The following ANKRD31 variants were observed in gnomAD, a reference collection of about 807,000 sequenced individuals.
The protein encoded by ANKRD31 is ankyrin repeat domain-containing protein 31.
In ANKRD31, 147 loss-of-function variants were observed where a neutral mutation model predicts 186.0. That is an observed-to-expected ratio of 0.79 (90% CI 0.69 to 0.91). The LOEUF (loss-of-function observed/expected upper bound fraction) is 0.91. Ranked by LOEUF, ANKRD31 falls within the 40% of genes least tolerant of loss-of-function variation. The pLI, the probability that ANKRD31 is intolerant of heterozygous loss-of-function variation, is 0.00. For missense variants in ANKRD31, 1,986 were observed against 2,148.8 expected (o/e 0.92, Z 1.50); for synonymous variants, 673 against 736.4 (o/e 0.91, Z 1.39).
At chr5:75,073,487 T>G (rs1744401399) in intron 25 of ANKRD31, among the ~76,000 whole-genome samples, 1 of 152,198 alleles carries the variant, frequency 6.6e-6, no homozygotes, top group Non-Finnish European at 1.5e-5. Flanking sequence ...AACATGCCCA[T>G]CTTCTCAATT....
intron 10 of ANKRD31, among the ~76,000 whole-genome samples, chr5:75,174,803 T>G (rs1293785206): frequency 6.6e-6 from 1 of 152,220 alleles, no homozygotes; most frequent in Non-Finnish European, 1.5e-5. Context: ...AGTTCAACCA[T>G]TTTGCAAGAC....
At chr5:75,156,420 A>C (rs552962997) in intron 11 of ANKRD31, among the ~76,000 whole-genome samples, 2 of 152,320 alleles carry the variant, frequency 1.3e-5, no homozygotes, top group Non-Finnish European at 2.9e-5. Flanking sequence ...AAAGTTAAAA[A>C]TTACAGAAAG....
chr5:75,123,350 A>C (rs1349658182), intron 17 of ANKRD31, among the ~76,000 whole-genome samples: 4 of 152,158 alleles, frequency 2.6e-5, no homozygotes, highest in Non-Finnish European at 2.9e-5. Flanking sequence ...AATATAATTA[A>C]AATGAGAATA....
intron 23 of ANKRD31, among the ~76,000 whole-genome samples, chr5:75,090,888 T>G (rs747195228): frequency 2.0e-5 from 3 of 152,236 alleles, no homozygotes; most frequent in Admixed American, 6.5e-5. Context: ...AATAACATAT[T>G]AACTAAGTTA....
intron 22 of ANKRD31, 37 bp downstream of exon 22, chr5:75,104,191 A>C: frequency 7.1e-7 from 1 of 1,408,596 alleles, no homozygotes; most frequent in Admixed American, 2.7e-5. Context: ...CTTATTTATA[A>C]AATTTGCATG....
intron 18 of ANKRD31, among the ~76,000 whole-genome samples, chr5:75,117,578 C>T (rs1748401410): frequency 6.6e-6 from 1 of 152,086 alleles, no homozygotes; most frequent in Admixed American, 6.6e-5. Flanking sequence ...CATTCTCCCT[C>T]ATGGTGAGAA....
chr5:75,173,880 T>C (rs1753561123), intron 10 of ANKRD31, among the ~76,000 whole-genome samples: 1 of 152,042 alleles, frequency 6.6e-6, no homozygotes, highest in African/African-American at 2.4e-5. Context: ...AAAAACTACT[T>C]TAAAGTTCAT....
In ANKRD31 at chr5:75,146,780, G is replaced by A; in HGVS notation, c.2631C>T (p.Val877=). The A allele has an allele frequency of 6.5e-7, 1 of 1,536,016 alleles. No homozygotes were observed. ...ATTTGTTAAATCTCTCATCTTTTGGGACCAAGTTACTGTTTTCATGAGATT... is the reference window on the plus strand; with the variant it reads ...ATTTGTTAAATCTCTCATCTTTTGGAACCAAGTTACTGTTTTCATGAGATT... ...LYKSHENSNL[V]PKDERFNKWE... The change falls in exon 14 of 26, where the codon GTC becomes GTT. Residue 877 remains valine (V), a synonymous_variant. Transcript: ENST00000506364.
chr5:75,075,338 C>A (rs1370219293), intron 25 of ANKRD31, among the ~76,000 whole-genome samples: 1 of 152,142 alleles, frequency 6.6e-6, no homozygotes, highest in East Asian at 1.9e-4. Flanking sequence ...CCCAGGTAAC[C>A]AATGATAACA....
In ANKRD31 at chr5:75,133,891, T is replaced by G. The variant is rs28840225; in HGVS notation, c.3876+3965A>C. ...CAAAACCGCTCAAATACATGGAAACTGAACAACCTGCTCCTGAATGACTAC... is the reference window on the plus strand; with the variant it reads ...CAAAACCGCTCAAATACATGGAAACGGAACAACCTGCTCCTGAATGACTAC... On this transcript the variant is annotated intron_variant, in intron 17 of 25. Coordinates refer to ENST00000506364, the MANE Select transcript of ANKRD31 (RefSeq NM_001372053.1). Among the ~76,000 whole-genome samples, 5 of 152,186 alleles carry G rather than the reference T, an allele frequency of 3.3e-5. No individual in the cohort carries two copies. In the East Asian group the frequency reaches 9.6e-4, roughly 29 times the overall value.
At chr5:75,196,510 T>C (rs1175279491) in intron 6 of ANKRD31, among the ~76,000 whole-genome samples, 2 of 152,200 alleles carry the variant, frequency 1.3e-5, no homozygotes, top group Non-Finnish European at 2.9e-5. Context: ...AGAGATGGCA[T>C]GGATAGTTAA....
At chr5:75,079,414 G>A (rs1744912040) in intron 25 of ANKRD31, among the ~76,000 whole-genome samples, 1 of 151,790 alleles carries the variant, frequency 6.6e-6, no homozygotes, top group Non-Finnish European at 1.5e-5. Context: ...AAGAGGGAGA[G>A]GGAGAATTCG....
At chr5:75,157,083 A>G (rs1294422155) in intron 11 of ANKRD31, among the ~76,000 whole-genome samples, 3 of 152,202 alleles carry the variant, frequency 2.0e-5, no homozygotes, top group Non-Finnish European at 4.4e-5. Flanking sequence ...TGGATGTTAA[A>G]GATCCTACCA....
In ANKRD31 at chr5:75,071,697, C is replaced by T. The variant is rs150171552; in HGVS notation, c.5648-3033G>A. ...AGTTTTAGTGGAGATGGGGTTTCAC[C>T]ATGTTGGCCAGGCTGGTCTTGAACT... On this transcript the variant is annotated intron_variant, in intron 25 of 25. Transcript: ENST00000506364. Among the ~76,000 whole-genome samples the T allele has an allele frequency of 9.6e-3, 1,455 of 152,144 alleles. 4 individuals carry two copies. Among genetic ancestry groups the T allele is most frequent in the Middle Eastern group, 0.017 (5 of 294 alleles).
intron 5 of ANKRD31, among the ~76,000 whole-genome samples, chr5:75,204,274 A>C (rs1411176553): frequency 6.6e-6 from 1 of 152,154 alleles, no homozygotes; most frequent in Non-Finnish European, 1.5e-5. Flanking sequence ...CCTTTTTAAG[A>C]TTAAAGTAAT....
intron 25 of ANKRD31, among the ~76,000 whole-genome samples, chr5:75,075,822 T>C (rs74985200): frequency 0.016 from 2,361 of 152,290 alleles, 73 homozygotes; most frequent in African/African-American, 0.054. Flanking sequence ...GATTTAGATG[T>C]TGCATGTAAA....
intron 3 of ANKRD31, among the ~76,000 whole-genome samples, chr5:75,220,602 A>G (rs1561546865): frequency 6.6e-6 from 1 of 151,514 alleles, no homozygotes; most frequent in South Asian, 2.1e-4. Flanking sequence ...TGATCATGTC[A>G]TTGCACGCCA....
At chr5:75,173,144 T>C (rs555684104) in intron 10 of ANKRD31, among the ~76,000 whole-genome samples, 1 of 152,276 alleles carries the variant, frequency 6.6e-6, no homozygotes, top group East Asian at 1.9e-4. Flanking sequence ...AACCCCATGA[T>C]TATTTCAATA....
At chr5:75,236,545 C>A in intron 1 of ANKRD31, 38 bp downstream of exon 1, 1 of 1,522,260 alleles carries the variant, frequency 6.6e-7, no homozygotes, top group Non-Finnish European at 8.8e-7. Context: ...GCCGCCCTGG[C>A]GCGAGGGTTC....
Sources: gnomAD v4.1 joint callset for allele counts (sites outside exome capture counted in the v4.1 genomes callset) on GRCh38, gnomAD v4.1.1 for gene constraint, MANE v1.5 for transcripts, NCBI Gene and HGNC (gene_info 2026-07-23, HGNC 2026-07-21) for gene names.